MYO10: variants seen among roughly 807,000 people sequenced by gnomAD.
The protein encoded by MYO10 is unconventional myosin-X.
Under a neutral mutation model 257.3 loss-of-function variants are expected in MYO10, and 133 were observed. The ratio of observed to expected loss-of-function variants is 0.52; its 90% CI spans 0.45 to 0.60. The LOEUF is 0.60. Among genes scored for constraint, MYO10 ranks in the 20% least tolerant of loss-of-function variants. MYO10 has a pLI of 0.00. For missense variants in MYO10, 2,399 were observed against 2,635.7 expected (o/e 0.91, Z 1.97); for synonymous variants, 1,104 against 1,028.6 (o/e 1.07, Z -1.40).
chr5:16,680,916 T>C (rs1288334959), intron 32 of MYO10, among the ~76,000 whole-genome samples: 1 of 152,118 alleles, frequency 6.6e-6, no homozygotes, highest in Non-Finnish European at 1.5e-5. Context: ...GAGGATTGCT[T>C]GAGCCCTGGA....
chr5:16,816,697 A>AT (rs1278574502), intron 3 of MYO10, among the ~76,000 whole-genome samples: 8 of 135,474 alleles, frequency 5.9e-5, no homozygotes. Context: ...CGCCCAGCTA[A>AT]TTTTTGTATT....
chr5:16,814,338 C>CG (rs1480408623), intron 3 of MYO10, among the ~76,000 whole-genome samples: 5 of 151,700 alleles, frequency 3.3e-5, no homozygotes, highest in African/African-American at 1.2e-4. Flanking sequence ...TTAGTGGAGA[C>CG]GGGGTTTCAC....
intron 1 of MYO10, among the ~76,000 whole-genome samples, chr5:16,887,738 A>C (rs1193351187): frequency 6.6e-6 from 1 of 152,000 alleles, no homozygotes; most frequent in Non-Finnish European, 1.5e-5. Flanking sequence ...TGATCCACCC[A>C]CCTCAGCCTC....
intron 1 of MYO10, among the ~76,000 whole-genome samples, chr5:16,893,175 T>TGACA (rs1393609444): frequency 8.9e-6 from 1 of 112,666 alleles, no homozygotes; most frequent in African/African-American, 3.4e-5. Flanking sequence ...CCAGCCTGGG[T>TGACA]GACACAGTGA....
intron 2 of MYO10, among the ~76,000 whole-genome samples, chr5:16,851,705 A>C (rs979934433): frequency 3.9e-5 from 6 of 152,188 alleles, no homozygotes; most frequent in African/African-American, 1.4e-4. Flanking sequence ...ATGCAAACTT[A>C]AAATGATGTC....
chr5:16,867,178 T>C (rs1744276418), intron 2 of MYO10, among the ~76,000 whole-genome samples: 1 of 152,214 alleles, frequency 6.6e-6, no homozygotes. Flanking sequence ...TTGGCTCAGA[T>C]GTCTAGATCT....
chr5:16,901,069 C>CGGA (rs1418815138), intron 1 of MYO10, among the ~76,000 whole-genome samples: 1 of 152,032 alleles, frequency 6.6e-6, no homozygotes, highest in Non-Finnish European at 1.5e-5. Context: ...AAAATTCCTC[C>CGGA]GGAGCAGCCT....
At chr5:16,886,665 C>T (rs1031448470) in intron 1 of MYO10, among the ~76,000 whole-genome samples, 2 of 152,160 alleles carry the variant, frequency 1.3e-5, no homozygotes, top group African/African-American at 4.8e-5. Context: ...GGCACAGTGG[C>T]TCCTGACTGT....
chr5:16,742,085 G>A, intron 19 of MYO10: 2 of 985,352 alleles, frequency 2.0e-6, no homozygotes, highest in Non-Finnish European at 2.4e-6. Context: ...CAACAAATGT[G>A]TAATTACATT....
At position 16,681,319 on chromosome 5, in the gene MYO10, G is replaced by A; in HGVS notation, c.4374C>T (p.Phe1458=). 1.9e-6 allele frequency: 3 copies of A among 1,608,530 alleles called. No homozygotes were observed. The highest frequency in any genetic ancestry group is 2.5e-6 in the Non-Finnish European group (3 of 1,178,578). The change falls in exon 32 of 41, where the codon TTC becomes TTT. Residue 1458 remains phenylalanine (F), a synonymous_variant. Transcript: ENST00000513610. ...CSVVPPDEKI[F]KETGYWNVTV... is the part of the protein sequence containing the mutation. ...AGCCAGCCTGGTTACCTGTCTCTTT[G>A]AATATCTTCTCATCTGGGGGGACGA...
chr5:16,759,618 G>A (rs959666758), intron 17 of MYO10, among the ~76,000 whole-genome samples: 3 of 152,158 alleles, frequency 2.0e-5, no homozygotes, highest in Non-Finnish European at 2.9e-5. Context: ...ACTGCTTCAC[G>A]CTGGCACAGA....
intron 10 of MYO10, among the ~76,000 whole-genome samples, chr5:16,767,883 G>A (rs1740926123): frequency 6.6e-6 from 1 of 152,028 alleles, no homozygotes; most frequent in Non-Finnish European, 1.5e-5. Context: ...TCACCATGTT[G>A]GCCAGGTTGG....
At chr5:16,668,240 A>G in intron 40 of MYO10, 37 bp downstream of exon 40, 1 of 1,571,010 alleles carries the variant, frequency 6.4e-7, no homozygotes, top group Non-Finnish European at 8.6e-7. Flanking sequence ...TTTTGTCAAG[A>G]CCATGAATAA....
At position 16,673,844 on chromosome 5, in the gene MYO10, G is replaced by C; in HGVS notation, c.5010C>G (p.Leu1670=). 6.2e-7 allele frequency: 1 copy of C among 1,613,984 alleles called. No individual in the cohort carries two copies. The highest frequency in any genetic ancestry group is 8.5e-7 in the Non-Finnish European group (1 of 1,179,880). Residue 1670 remains leucine, a synonymous_variant, in exon 36 of 41, where the codon CTC becomes CTG. Coordinates refer to ENST00000513610, the MANE Select transcript of MYO10 (RefSeq NM_012334.3). The stretch of plus-strand genomic sequence containing the variant: ...TTTTCTTAAGAGATTCGTAAGTGAA[G>C]AGAGCGTATTTTTCCATCTCGCTTC... ...FPGSEMEKYA[L]FTYESLKKTK...
At chr5:16,681,179 G>T (rs1736979686) in intron 32 of MYO10, 130 bp downstream of exon 32, 1 of 1,013,914 alleles carries the variant, frequency 9.9e-7, no homozygotes, top group Non-Finnish European at 1.4e-6. Context: ...AGGCTTAGAA[G>T]ATAAACCAAG....
At chr5:16,920,732 T>G (rs1745957020) in intron 1 of MYO10, among the ~76,000 whole-genome samples, 1 of 152,230 alleles carries the variant, frequency 6.6e-6, no homozygotes, top group African/African-American at 2.4e-5. Context: ...TTTTGTTATG[T>G]AAGATGCCAC....
intron 2 of MYO10, among the ~76,000 whole-genome samples, chr5:16,871,475 C>T (rs1441113157): frequency 1.3e-5 from 2 of 152,106 alleles, no homozygotes; most frequent in Non-Finnish European, 2.9e-5. Context: ...GGAGTGGTGG[C>T]ATGTGCCCGT....
chr5:16,891,446 G>T (rs975780807), intron 1 of MYO10, among the ~76,000 whole-genome samples: 1 of 151,998 alleles, frequency 6.6e-6, no homozygotes, highest in Non-Finnish European at 1.5e-5. Flanking sequence ...CTCACTGGTG[G>T]TTGCCCGGGG....
rs752541598 is a variant in MYO10 at position 16,672,747 on chromosome 5, C to T, written c.5251G>A (p.Val1751Ile). The change falls in exon 37 of 41, where the codon GTC becomes ATC. Residue 1751 changes from valine (V) to isoleucine (I), a missense_variant. Coordinates refer to ENST00000513610, the MANE Select transcript of MYO10 (RefSeq NM_012334.3). The stretch of plus-strand genomic sequence containing the variant: ...GTTCGACTTTCAATGGCTTTGTCGA[C>T]GTGGCCGTTGTATTCAAACAAAGCA... The part of the protein sequence containing the change: ...MFALFEYNGH[V>I]DKAIESRTVV... 10 of 1,613,874 alleles carry T rather than the reference C, an allele frequency of 6.2e-6. No homozygotes were observed. Among genetic ancestry groups the T allele is most frequent in the Middle Eastern group, 1.6e-4 (1 of 6,084 alleles).
Sources: gnomAD v4.1 joint callset for allele counts (sites outside exome capture counted in the v4.1 genomes callset) on GRCh38, gnomAD v4.1.1 for gene constraint, MANE v1.5 for transcripts, NCBI Gene and HGNC (gene_info 2026-07-23, HGNC 2026-07-21) for gene names.